The following RALGPS1 variants were observed in gnomAD, a reference collection of about 807,000 sequenced individuals.
RALGPS1 encodes the protein Ral GEF with PH domain and SH3 binding motif 1.
In RALGPS1, 19 loss-of-function variants were observed where a neutral mutation model predicts 78.8. The observed-to-expected ratio is 0.24, with a 90% CI of 0.17 to 0.35. The LOEUF is 0.35. Ranked by LOEUF, RALGPS1 falls within the 10% of genes least tolerant of loss-of-function variation. The pLI is 1.00. For missense variants in RALGPS1, 454 were observed against 688.3 expected (o/e 0.66, Z 3.81); for synonymous variants, 228 against 256.3 (o/e 0.89, Z 1.06).
chr9:127,113,438 A>C (rs1384904434), intron 8 of RALGPS1, among the ~76,000 whole-genome samples: 1 of 149,846 alleles, frequency 6.7e-6, no homozygotes, highest in East Asian at 2.0e-4. Flanking sequence ...GGCAGTAATA[A>C]GTTTGTTTAC....
At chr9:126,948,428 A>T (rs1234408831) in intron 1 of RALGPS1, among the ~76,000 whole-genome samples, 1 of 152,154 alleles carries the variant, frequency 6.6e-6, no homozygotes, top group Admixed American at 6.5e-5. Context: ...GAGGCAGGAG[A>T]ATCGCTCGCT....
chr9:127,158,610 T>C (rs2058833276), intron 8 of RALGPS1, among the ~76,000 whole-genome samples: 1 of 152,196 alleles, frequency 6.6e-6, no homozygotes, highest in Non-Finnish European at 1.5e-5. Flanking sequence ...TTTATCACTT[T>C]GCTAGACTGT....
At chr9:127,030,223 G>T (rs1374686888) in intron 4 of RALGPS1, among the ~76,000 whole-genome samples, 4 of 152,140 alleles carry the variant, frequency 2.6e-5, no homozygotes, top group African/African-American at 4.8e-5. Flanking sequence ...AGAGAAACTT[G>T]GGCTGGACAC....
intron 1 of RALGPS1, among the ~76,000 whole-genome samples, chr9:126,922,929 T>C: frequency 6.6e-6 from 1 of 152,172 alleles, no homozygotes; most frequent in East Asian, 1.9e-4. Flanking sequence ...GGTGTAAGAA[T>C]ATGCTTTCTA....
rs1338944895 is a variant in RALGPS1 at position 127,018,502 on chromosome 9, C to T, written c.217-15929C>T. Among the ~76,000 whole-genome samples, 6 of 151,402 alleles carry T rather than the reference C, an allele frequency of 4.0e-5. No homozygotes were observed. The South Asian group carries it at 8.4e-4, about 21-fold the overall frequency. On this transcript the variant is annotated intron_variant, in intron 4 of 18. Coordinates refer to ENST00000259351, the MANE Select transcript of RALGPS1 (RefSeq NM_014636.3). ...TGCAAAAATTAGCTGAGCGTGGTGG[C>T]GCGTACCTGGAGTCCCAGCTACTTG...
rs966536371 is a variant in RALGPS1, at chr9:126,946,363, G to A, written c.-65-15862G>A. On this transcript the variant is annotated intron_variant, in intron 1 of 18. Transcript: ENST00000259351. ...ATCCTGGCCAATGTGGCGAAACCCC[G>A]TCTCTACTAAAAATACAAAAATTAC... 3.9e-5 allele frequency among the ~76,000 whole-genome samples: 6 copies of A among 151,972 alleles called. No homozygotes were observed. In the East Asian group the frequency reaches 9.6e-4, roughly 24 times the overall value.
At chr9:127,016,681 A>G (rs2044860249) in intron 4 of RALGPS1, 2 of 152,170 alleles carry the variant, frequency 1.3e-5, no homozygotes, top group Non-Finnish European at 2.9e-5. Context: ...GGAGGTGGGG[A>G]CAGACTTCAA....
intron 1 of RALGPS1, among the ~76,000 whole-genome samples, chr9:126,940,465 A>T (rs11793975): frequency 7.4e-6 from 1 of 135,844 alleles, no homozygotes; most frequent in Admixed American, 7.4e-5. Context: ...TTTGAGATGG[A>T]GTCTCGCTCT....
intron 4 of RALGPS1, among the ~76,000 whole-genome samples, chr9:126,998,440 A>G (rs1002569436): frequency 1.4e-4 from 22 of 152,272 alleles, no homozygotes; most frequent in Non-Finnish European, 3.1e-4. Context: ...TGGCCATCAG[A>G]GCAATGCAAA....
At chr9:127,107,952 A>G in intron 8 of RALGPS1, 1 of 1,549,832 alleles carries the variant, frequency 6.5e-7, no homozygotes, top group African/African-American at 1.4e-5. Context: ...GGCTGGTGAG[A>G]GTGGGCATAG....
intron 4 of RALGPS1, among the ~76,000 whole-genome samples, chr9:126,995,459 T>C (rs1327089940): frequency 6.6e-6 from 1 of 152,130 alleles, no homozygotes; most frequent in Non-Finnish European, 1.5e-5. Context: ...GGTAAAGGGA[T>C]CAATTCAACA....
chr9:127,175,200 G>A (rs953693280), intron 11 of RALGPS1, among the ~76,000 whole-genome samples: 1 of 152,246 alleles, frequency 6.6e-6, no homozygotes, highest in South Asian at 2.1e-4. Flanking sequence ...CCAGATGCAG[G>A]TGGCTCATCA....
intron 11 of RALGPS1, 112 bp downstream of exon 11, chr9:127,174,894 A>C: frequency 3.4e-6 from 3 of 893,166 alleles, no homozygotes; most frequent in African/African-American, 1.6e-5. Context: ...AGCTTAGCAG[A>C]CTCAGCTATC....
At chr9:126,983,413 T>A (rs1479710576) in intron 4 of RALGPS1, among the ~76,000 whole-genome samples, 2 of 152,182 alleles carry the variant, frequency 1.3e-5, no homozygotes, top group East Asian at 3.8e-4. Context: ...TTCCTGGAAA[T>A]TTTGAAAGCA....
chr9:127,031,124 C>T (rs1053266139), intron 4 of RALGPS1, among the ~76,000 whole-genome samples: 1 of 152,222 alleles, frequency 6.6e-6, no homozygotes, highest in African/African-American at 2.4e-5. Context: ...CTACCAGGGC[C>T]GTACTGGTCT....
At chr9:127,144,844 C>G (rs1361125891) in intron 8 of RALGPS1, among the ~76,000 whole-genome samples, 1 of 152,080 alleles carries the variant, frequency 6.6e-6, no homozygotes, top group South Asian at 2.1e-4. Context: ...GGCTGGAAAG[C>G]GGGGAATGGG....
intron 3 of RALGPS1, among the ~76,000 whole-genome samples, chr9:126,968,996 C>T (rs1477551509): frequency 2.0e-5 from 3 of 151,592 alleles, no homozygotes; most frequent in Admixed American, 6.6e-5. Flanking sequence ...TGCGGTGAGC[C>T]GAGATTGCGC....
intron 8 of RALGPS1, among the ~76,000 whole-genome samples, chr9:127,141,616 CAAAAAAAAAA>C (rs61291398): frequency 2.8e-4 from 19 of 68,674 alleles, no homozygotes; most frequent in African/African-American, 1.1e-3. Flanking sequence ...TTTTTAATGG[CAAAAAAAAAA>C]AAAAAAAAAA....
chr9:126,977,754 T>G lies in RALGPS1; in HGVS notation c.216+9T>G, dbSNP rs2040809596. 6.3e-7 allele frequency: 1 copy of G among 1,590,200 alleles called. No individual in the cohort carries two copies. The highest frequency in any genetic ancestry group is 8.6e-7 in the Non-Finnish European group (1 of 1,163,820). On this transcript the variant is annotated intron_variant, in intron 4 of 18. Transcript: ENST00000259351. ...AAGCTATCCAGCCGGAGGTCTGTAC[T>G]TTGTCTTTCTACTCTTCTATTCATG... is the stretch of plus-strand genomic sequence containing the variant.
Sources: allele counts gnomAD v4.1 joint callset (sites outside exome capture counted in the v4.1 genomes callset), GRCh38; gene constraint gnomAD v4.1.1; transcripts MANE v1.5; gene names NCBI Gene and HGNC (gene_info 2026-07-23, HGNC 2026-07-21).